TBXAS1: variants seen among roughly 807,000 people sequenced by gnomAD.
TBXAS1 encodes thromboxane A synthase 1.
In TBXAS1, 48 loss-of-function variants were observed where a neutral mutation model predicts 60.7. That is an observed-to-expected ratio of 0.79 (90% CI 0.63 to 1.01). The LOEUF (loss-of-function observed/expected upper bound fraction) is 1.01. TBXAS1 is among the 50% of genes least tolerant of loss of function. The pLI is 0.00. For synonymous variants in TBXAS1, 287 were observed against 269.7 expected (o/e 1.06, Z -0.63); for missense variants, 685 against 686.3 (o/e 1.00, Z 0.02).
At chr7:139,830,262 G>A (rs1457456852) in intron 1 of TBXAS1, among the ~76,000 whole-genome samples, 1 of 152,140 alleles carries the variant, frequency 6.6e-6, no homozygotes, top group African/African-American at 2.4e-5. Flanking sequence ...GGCTTTTGAG[G>A]GCAAAGTGAG....
chr7:139,795,889 C>G (rs1000368301), intron 4 of TBXAS1, among the ~76,000 whole-genome samples: 2 of 152,122 alleles, frequency 1.3e-5, no homozygotes, highest in Non-Finnish European at 2.9e-5. Context: ...AAGCTCTTCT[C>G]CAGTTACAAA....
intron 1 of TBXAS1, among the ~76,000 whole-genome samples, chr7:139,846,968 C>CT (rs1185007466): frequency 3.3e-5 from 5 of 152,134 alleles, no homozygotes; most frequent in Non-Finnish European, 7.3e-5. Context: ...GGCTTGATCA[C>CT]TTTTCCATAC....
At chr7:139,939,474 AT>A (rs368458774) in intron 5 of TBXAS1, among the ~76,000 whole-genome samples, 1 of 150,828 alleles carries the variant, frequency 6.6e-6, no homozygotes, top group Admixed American at 6.6e-5. Context: ...CTTGAAAGGC[AT>A]TTTTTTCTAC....
intron 9 of TBXAS1, among the ~76,000 whole-genome samples, chr7:139,996,186 C>T (rs1198663759): frequency 3.3e-5 from 5 of 150,422 alleles, no homozygotes; most frequent in Non-Finnish European, 5.9e-5. Flanking sequence ...AGGCTGGTCT[C>T]GATCTCCTGG....
intron 1 of TBXAS1, among the ~76,000 whole-genome samples, chr7:139,846,888 G>A (rs8180854): frequency 0.98 from 148,720 of 152,238 alleles, 72,663 homozygotes; most frequent in East Asian, 1. Flanking sequence ...ATGATGGGGT[G>A]GGAGGGCAGA....
chr7:139,822,760 CT>C (rs895895624), intron 4 of TBXAS1, among the ~76,000 whole-genome samples: 7 of 152,162 alleles, frequency 4.6e-5, no homozygotes, highest in Non-Finnish European at 8.8e-5. Flanking sequence ...TCCTAGTGGT[CT>C]TAAAAACCAG....
chr7:139,991,191 C>T (rs970132952), intron 9 of TBXAS1, among the ~76,000 whole-genome samples: 2 of 152,116 alleles, frequency 1.3e-5, no homozygotes, highest in South Asian at 2.1e-4. Flanking sequence ...TGTTTAAGTG[C>T]GTTTATTGTT....
At chr7:140,003,686 A>T (rs1219989720) in intron 9 of TBXAS1, among the ~76,000 whole-genome samples, 1 of 152,204 alleles carries the variant, frequency 6.6e-6, no homozygotes, top group African/African-American at 2.4e-5. Flanking sequence ...GGGAACCAAC[A>T]CCATTTACCC....
chr7:139,806,137 C>A (rs1797869513), intron 4 of TBXAS1, among the ~76,000 whole-genome samples: 1 of 151,678 alleles, frequency 6.6e-6, no homozygotes, highest in Non-Finnish European at 1.5e-5. Flanking sequence ...CGGGGTTTCA[C>A]CATGTTGACC....
rs1252776870 is a variant in TBXAS1 at position 140,013,087 on chromosome 7, A to C, written c.1227-2636A>C. ...GCAACAGAGCGAGACTCCATCTCAA[A>C]AAAAAAAAAAAAAAGAAATTGGGGC... On this transcript the variant is annotated intron_variant, in intron 10 of 12. Coordinates refer to ENST00000448866, the MANE Select transcript of TBXAS1 (RefSeq NM_001061.7). The surrounding 1 kb of genome is among the most constrained non-coding windows in gnomAD (Gnocchi z 4.2). Among the ~76,000 whole-genome samples the C allele has an allele frequency of 6.9e-5, 5 of 72,078 alleles. No homozygotes were observed. Among genetic ancestry groups the C allele is most frequent in the Non-Finnish European group, 1.3e-4 (5 of 39,934 alleles). 47.3% of individuals were successfully genotyped at this position (72,078 alleles called of 152,430 possible).
At chr7:139,784,149 C>CTTCCCCCT (rs1307424571) in intron 3 of TBXAS1, among the ~76,000 whole-genome samples, 11 of 151,334 alleles carry the variant, frequency 7.3e-5, no homozygotes, top group African/African-American at 2.7e-4. Flanking sequence ...GCCTGCCTGC[C>CTTCCCCCT]TTCCCCCTTC....
chr7:139,838,582 G>C (rs986213393), intron 1 of TBXAS1, among the ~76,000 whole-genome samples: 2 of 152,128 alleles, frequency 1.3e-5, no homozygotes, highest in Non-Finnish European at 2.9e-5. Context: ...TTATCCTGTA[G>C]AGCAGACACC....
Position 139,913,053 on chromosome 7 carries a change from A to G in TBXAS1, c.333+1732A>G, listed in dbSNP as rs1309930343. 3 of 692,140 alleles carry G rather than the reference A, an allele frequency of 4.3e-6. No homozygotes were observed. In the Admixed American group the frequency reaches 6.1e-5, roughly 14 times the overall value. The allele number at this position is 692,140 out of a possible 1,614,324, so 42.9% of individuals were successfully genotyped here. On this transcript the variant is annotated intron_variant, in intron 4 of 12. Coordinates refer to ENST00000448866, the MANE Select transcript of TBXAS1 (RefSeq NM_001061.7). ...TTGGCCACTCACCCAAAATTTGCTC[A>G]TCTTCTTCCAGCCCCAGAGCATCAT...
intron 1 of TBXAS1, among the ~76,000 whole-genome samples, chr7:139,861,714 T>A (rs1293667805): frequency 1.3e-5 from 2 of 152,238 alleles, no homozygotes; most frequent in Non-Finnish European, 2.9e-5. Flanking sequence ...TGTATTATTG[T>A]GAACTCATGG....
At chr7:139,823,510 G>A (rs1798354014) in intron 4 of TBXAS1, among the ~76,000 whole-genome samples, 1 of 152,036 alleles carries the variant, frequency 6.6e-6, no homozygotes, top group Non-Finnish European at 1.5e-5. Flanking sequence ...CTTCCAAAGG[G>A]CCCCTAATAT....
chr7:139,828,485 G>T (rs754306306), upstream of TBXAS1, among the ~76,000 whole-genome samples: 24 of 152,296 alleles, frequency 1.6e-4, no homozygotes, highest in Non-Finnish European at 2.2e-4. Flanking sequence ...GAGCAGTCTG[G>T]TTCCTTCAGA....
chr7:139,917,450 GC>G (rs1236110181), intron 4 of TBXAS1, among the ~76,000 whole-genome samples: 1 of 152,170 alleles, frequency 6.6e-6, no homozygotes, highest in African/African-American at 2.4e-5. Context: ...TGCAGGATGG[GC>G]TGCCCCATTG....
intron 1 of TBXAS1, among the ~76,000 whole-genome samples, chr7:139,856,622 G>T (rs1181963908): frequency 6.6e-6 from 1 of 152,228 alleles, no homozygotes; most frequent in African/African-American, 2.4e-5. Flanking sequence ...GAATATTTAT[G>T]AAAGGAGAAA....
chr7:139,976,573 T>C (rs76598619), intron 9 of TBXAS1, among the ~76,000 whole-genome samples: 1,805 of 152,322 alleles, frequency 0.012, 16 homozygotes, highest in Middle Eastern at 0.034. Flanking sequence ...TGCCTTCTCC[T>C]GTGCATGCCA....
Sources: allele counts gnomAD v4.1 joint callset (sites outside exome capture counted in the v4.1 genomes callset), GRCh38; gene constraint gnomAD v4.1.1; non-coding constraint Gnocchi (gnomAD v3.1); transcripts MANE v1.5; gene names NCBI Gene and HGNC (gene_info 2026-07-23, HGNC 2026-07-21).